The following BBS9 variants were observed in gnomAD, a reference collection of about 807,000 sequenced individuals.
BBS9 encodes protein PTHB1.
A neutral mutation model predicts 117.7 loss-of-function variants in BBS9; 89 were observed. That is an observed-to-expected ratio of 0.76 (90% CI 0.64 to 0.90). The LOEUF is 0.90. BBS9 is among the 40% of genes least tolerant of loss of function. The pLI, the probability that BBS9 is intolerant of heterozygous loss-of-function variation, is 0.00. For missense variants in BBS9, 982 were observed against 1,042.2 expected (o/e 0.94, Z 0.80); for synonymous variants, 379 against 370.9 (o/e 1.02, Z -0.25).
chr7:33,598,857 C>CT (rs1312659268), intron 21 of BBS9, among the ~76,000 whole-genome samples: 2 of 152,188 alleles, frequency 1.3e-5, no homozygotes, highest in Non-Finnish European at 2.9e-5. Context: ...TGCAGAGAAG[C>CT]TTTCCGTGAG....
At chr7:33,334,229 G>A (rs1314956331) in intron 9 of BBS9, among the ~76,000 whole-genome samples, 2 of 152,170 alleles carry the variant, frequency 1.3e-5, no homozygotes, top group South Asian at 2.1e-4. Flanking sequence ...AACTGATTTA[G>A]TAATAAACCT....
intron 18 of BBS9, among the ~76,000 whole-genome samples, chr7:33,387,558 G>A (rs1463275636): frequency 6.6e-6 from 1 of 152,008 alleles, no homozygotes; most frequent in African/African-American, 2.4e-5. Flanking sequence ...TTGTTTGTGG[G>A]TGTGGCTTTT....
intron 9 of BBS9, among the ~76,000 whole-genome samples, chr7:33,279,861 C>G (rs1801481549): frequency 2.0e-5 from 3 of 152,172 alleles, no homozygotes; most frequent in Admixed American, 2.0e-4. Context: ...GTCAGTTTCT[C>G]AAGTGGCAAA....
intron 19 of BBS9, among the ~76,000 whole-genome samples, chr7:33,395,712 C>T (rs1213865056): frequency 6.6e-6 from 1 of 152,100 alleles, no homozygotes; most frequent in East Asian, 1.9e-4. Flanking sequence ...AACTTCCTTC[C>T]ACTCTGTTTA....
intron 9 of BBS9, among the ~76,000 whole-genome samples, chr7:33,322,613 A>C (rs1212565078): frequency 6.6e-6 from 1 of 151,470 alleles, no homozygotes; most frequent in Non-Finnish European, 1.5e-5. Context: ...GATTTTACTT[A>C]TTTGGGCCTT....
chr7:33,437,102 A>G (rs1182613706), intron 19 of BBS9, among the ~76,000 whole-genome samples: 1 of 152,220 alleles, frequency 6.6e-6, no homozygotes, highest in Admixed American at 6.5e-5. Flanking sequence ...TTTGGAATCT[A>G]TCTGTCCATC....
intron 20 of BBS9, among the ~76,000 whole-genome samples, chr7:33,518,488 A>T (rs1203313380): frequency 6.6e-6 from 1 of 151,828 alleles, no homozygotes; most frequent in Non-Finnish European, 1.5e-5. Context: ...TGACCTTGTG[A>T]TCCGCCCGCC....
At chr7:33,219,279 C>T (rs1349743957) in intron 5 of BBS9, among the ~76,000 whole-genome samples, 3 of 152,192 alleles carry the variant, frequency 2.0e-5, no homozygotes, top group South Asian at 2.1e-4. Context: ...GGCTCCTGTG[C>T]GGCCGAGCTT....
At chr7:33,161,277 C>G (rs2128125830) in intron 4 of BBS9, among the ~76,000 whole-genome samples, 1 of 152,218 alleles carries the variant, frequency 6.6e-6, no homozygotes, top group Middle Eastern at 3.4e-3. Context: ...CCCTGCACCC[C>G]ACCCCACGAC....
In BBS9 at chr7:33,367,829, G is replaced by A. The variant is rs1269719837; in HGVS notation, c.1756G>A (p.Ala586Thr). ...NVMGFHFLGG[A>T]RITVLASKTS... ...AATGGGTTTTCACTTCTTAGGAGGT[G>A]CTCGAATTACTGTTCTTGCTTCCAA... The change falls in exon 17 of 23, where the codon GCT becomes ACT. Residue 586 changes from alanine to threonine, a missense_variant. Ala to Thr is a moderately conservative substitution (Grantham distance 58, BLOSUM62 0). Transcript: ENST00000242067. 1 of 1,613,830 alleles carries A rather than the reference G, an allele frequency of 6.2e-7. No individual in the cohort carries two copies. Among genetic ancestry groups the A allele is most frequent in the Non-Finnish European group, 8.5e-7 (1 of 1,179,834 alleles).
intron 9 of BBS9, among the ~76,000 whole-genome samples, chr7:33,294,388 TCCATCCATCCATCCAC>T (rs1562951311): frequency 1.3e-5 from 2 of 151,152 alleles, no homozygotes; most frequent in Non-Finnish European, 3.0e-5. Flanking sequence ...CATCCATCCA[TCCATCCATCCATCCAC>T]CCATCCATCC....
intron 6 of BBS9, among the ~76,000 whole-genome samples, chr7:33,262,364 G>C (rs1278019803): frequency 6.6e-6 from 1 of 152,036 alleles, no homozygotes; most frequent in Non-Finnish European, 1.5e-5. Flanking sequence ...ATTATCCCTT[G>C]GCAGGTTGGT....
chr7:33,608,257 C>T (rs2598384), downstream of BBS9, among the ~76,000 whole-genome samples: 57,285 of 151,906 alleles, frequency 0.38, 14,672 homozygotes, highest in African/African-American at 0.73. Flanking sequence ...CTGTGGTATA[C>T]GTGTACCACA....
At chr7:33,587,698 T>C (rs922348401) in intron 21 of BBS9, among the ~76,000 whole-genome samples, 5 of 152,026 alleles carry the variant, frequency 3.3e-5, no homozygotes, top group African/African-American at 1.2e-4. Flanking sequence ...GCCAAAAAAA[T>C]ATAAGATAGA....
At chr7:33,429,098 T>G (rs962990519) in intron 19 of BBS9, among the ~76,000 whole-genome samples, 1 of 152,134 alleles carries the variant, frequency 6.6e-6, no homozygotes, top group Non-Finnish European at 1.5e-5. Flanking sequence ...ACTTAGACAC[T>G]GAGTGCTTTT....
At position 33,581,050 on chromosome 7, in the gene BBS9, G is replaced by A. The variant is rs887278767; in HGVS notation, c.2522-23815G>A. On this transcript the variant is annotated intron_variant, in intron 21 of 22. Transcript: ENST00000242067. ...AGAAAGCCTTTGTCTACCACTTACCGAAAGGTGTGTATTTTGTGTGTATTT... is the reference window on the plus strand; with the variant it reads ...AGAAAGCCTTTGTCTACCACTTACCAAAAGGTGTGTATTTTGTGTGTATTT... 4.6e-5 allele frequency among the ~76,000 whole-genome samples: 7 copies of A among 151,626 alleles called. No homozygotes were observed. In the East Asian group the frequency reaches 1.4e-3, roughly 29 times the overall value.
At chr7:33,466,437 G>A (rs1221241370) in intron 19 of BBS9, among the ~76,000 whole-genome samples, 1 of 151,990 alleles carries the variant, frequency 6.6e-6, no homozygotes, top group Non-Finnish European at 1.5e-5. Context: ...CTTAACATAA[G>A]ATCCTCTGAG....
At chr7:33,397,353 C>T (rs1016052068) in intron 19 of BBS9, among the ~76,000 whole-genome samples, 4 of 152,130 alleles carry the variant, frequency 2.6e-5, no homozygotes, top group Non-Finnish European at 5.9e-5. Flanking sequence ...GAAAAAGGAA[C>T]ACTTTTATAC....
chr7:33,577,798 A>G (rs1177774767), intron 21 of BBS9, among the ~76,000 whole-genome samples: 1 of 152,230 alleles, frequency 6.6e-6, no homozygotes, highest in Non-Finnish European at 1.5e-5. Context: ...CAACTGTCAC[A>G]AGGACAGAAA....
Sources: gnomAD v4.1 joint callset for allele counts (sites outside exome capture counted in the v4.1 genomes callset) on GRCh38, gnomAD v4.1.1 for gene constraint, MANE v1.5 for transcripts, NCBI Gene and HGNC (gene_info 2026-07-23, HGNC 2026-07-21) for gene names.